Variants in IQCM observed in about 807,000 individuals in gnomAD.
The protein encoded by IQCM is IQ motif containing M, also known as IQ domain-containing protein M.
A neutral mutation model predicts 57.6 loss-of-function variants in IQCM; 45 were observed. That is an observed-to-expected ratio of 0.78 (90% CI 0.62 to 1.00). IQCM has a LOEUF of 1.00. Among genes scored for constraint, IQCM ranks in the 50% least tolerant of loss-of-function variants. The pLI, the probability that IQCM is intolerant of heterozygous loss-of-function variation, is 0.00. For synonymous variants in IQCM, 148 were observed against 158.9 expected (o/e 0.93, Z 0.51); for missense variants, 468 against 511.6 (o/e 0.91, Z 0.82).
At chr4:149,729,707 A>G (rs1561208197) in intron 5 of IQCM, among the ~76,000 whole-genome samples, 1 of 151,634 alleles carries the variant, frequency 6.6e-6, no homozygotes, top group Non-Finnish European at 1.5e-5. Context: ...TTTTTTTAAT[A>G]TATGGTTCTA....
intron 3 of IQCM, among the ~76,000 whole-genome samples, chr4:149,740,495 C>A (rs1008547423): frequency 3.9e-5 from 6 of 152,104 alleles, no homozygotes; most frequent in African/African-American, 7.2e-5. Context: ...CCAACACCCC[C>A]TACCGCTAGC....
At chr4:149,607,346 G>A (rs1754880736) in intron 8 of IQCM, among the ~76,000 whole-genome samples, 1 of 152,032 alleles carries the variant, frequency 6.6e-6, no homozygotes, top group Admixed American at 6.6e-5. Flanking sequence ...AACAAAAGGT[G>A]AGAGATTTCA....
chr4:149,670,918 G>C (rs1442282355), intron 7 of IQCM, among the ~76,000 whole-genome samples: 2 of 150,936 alleles, frequency 1.3e-5, no homozygotes, highest in Non-Finnish European at 2.9e-5. Flanking sequence ...TGTTCATCAG[G>C]GATATTGGTC....
intron 7 of IQCM, among the ~76,000 whole-genome samples, chr4:149,664,052 A>G (rs1760467518): frequency 6.6e-6 from 1 of 152,076 alleles, no homozygotes; most frequent in African/African-American, 2.4e-5. Flanking sequence ...GCAAGTTTAT[A>G]AATTTTTCTG....
chr4:149,707,809 A>G (rs1006995813), intron 5 of IQCM, among the ~76,000 whole-genome samples: 11 of 152,152 alleles, frequency 7.2e-5, no homozygotes, highest in African/African-American at 2.6e-4. Context: ...GCTTGTAAAT[A>G]TGGGGAAATT....
chr4:149,443,562 C>A (rs918905319), intron 12 of IQCM, among the ~76,000 whole-genome samples: 1 of 151,704 alleles, frequency 6.6e-6, no homozygotes, highest in Non-Finnish European at 1.5e-5. Flanking sequence ...GCACCTACAA[C>A]CTCTTCTTGG....
At chr4:149,387,104 A>G (rs1300034094) in intron 13 of IQCM, among the ~76,000 whole-genome samples, 1 of 152,000 alleles carries the variant, frequency 6.6e-6, no homozygotes, top group African/African-American at 2.4e-5. Flanking sequence ...ACAGAAATCT[A>G]TTTCTCACAG....
rs554545053 is a variant in IQCM at position 149,485,011 on chromosome 4, T to C, written c.1229-51454A>G. ...TTGTTTCTGTTTTTCTTTCTAACTT[T>C]AGCACTTTAAATATGTCATGCCACT... On this transcript the variant is annotated intron_variant, in intron 12 of 13. Coordinates refer to ENST00000636793, the MANE Select transcript of IQCM (RefSeq NM_001363507.2). Among the ~76,000 whole-genome samples the C allele has an allele frequency of 3.9e-5, 6 of 152,162 alleles. No individual in the cohort carries two copies. In the South Asian group the frequency reaches 6.2e-4, roughly 16 times the overall value.
rs560019999 is a variant in IQCM at position 149,683,991 on chromosome 4, T to C, written c.477-1785A>G. 5.3e-4 allele frequency among the ~76,000 whole-genome samples: 80 copies of C among 151,460 alleles called. 1 individual carries two copies. In the South Asian group the frequency reaches 0.015, roughly 28 times the overall value. On this transcript the variant is annotated intron_variant, in intron 6 of 13. Coordinates refer to ENST00000636793, the MANE Select transcript of IQCM (RefSeq NM_001363507.2). ...ACTGGGCAAAGAAATCCAGGCTCAC[T>C]TGCCTAAATTACAGAATGCATTTAC...
chr4:149,505,193 A>T (rs1296798864), intron 12 of IQCM, among the ~76,000 whole-genome samples: 2 of 152,318 alleles, frequency 1.3e-5, no homozygotes, highest in East Asian at 3.9e-4. Flanking sequence ...GACAGCGGGC[A>T]TAACATTGAC....
intron 7 of IQCM, among the ~76,000 whole-genome samples, chr4:149,663,608 A>G (rs1760424760): frequency 6.6e-6 from 1 of 150,848 alleles, no homozygotes. Flanking sequence ...TAGGTATAGT[A>G]TTCTTTACTG....
At chr4:149,649,574 T>C (rs1376451759) in intron 7 of IQCM, among the ~76,000 whole-genome samples, 1 of 152,214 alleles carries the variant, frequency 6.6e-6, no homozygotes, top group African/African-American at 2.4e-5. Context: ...AAAAGGATGA[T>C]TTATTCAAAT....
At chr4:149,542,231 A>T (rs1355365504) in intron 12 of IQCM, among the ~76,000 whole-genome samples, 1 of 152,102 alleles carries the variant, frequency 6.6e-6, no homozygotes. Context: ...CTTATGCATT[A>T]TAATAAAAAT....
chr4:149,377,957 G>A (rs1052229241), intron 13 of IQCM, among the ~76,000 whole-genome samples: 3 of 152,070 alleles, frequency 2.0e-5, no homozygotes, highest in Admixed American at 6.6e-5. Flanking sequence ...TAATTCCCTC[G>A]TGTTGTGGGA....
chr4:149,600,839 T>C (rs1342760617), intron 8 of IQCM, among the ~76,000 whole-genome samples: 1 of 152,212 alleles, frequency 6.6e-6, no homozygotes, highest in Non-Finnish European at 1.5e-5. Context: ...GATTAATCCA[T>C]CTGGGTGAAA....
chr4:149,670,639 G>C (rs1761176064), intron 7 of IQCM, among the ~76,000 whole-genome samples: 1 of 152,120 alleles, frequency 6.6e-6, no homozygotes, highest in African/African-American at 2.4e-5. Context: ...TTATCATTTT[G>C]AGATATGTCC....
chr4:149,414,236 T>C (rs1478647666), intron 13 of IQCM, among the ~76,000 whole-genome samples: 1 of 152,182 alleles, frequency 6.6e-6, no homozygotes, highest in Non-Finnish European at 1.5e-5. Context: ...TTCATCCAAT[T>C]GCTTAAGGAC....
At chr4:149,411,544 A>G (rs1025778547) in intron 13 of IQCM, among the ~76,000 whole-genome samples, 2 of 152,132 alleles carry the variant, frequency 1.3e-5, no homozygotes, top group African/African-American at 4.8e-5. Flanking sequence ...TTTCAACTAT[A>G]TAGAAAAATA....
rs181010333 is a variant in IQCM at position 149,368,755 on chromosome 4, T to A, written c.1391-16689A>T. On this transcript the variant is annotated intron_variant, in intron 13 of 13. Coordinates refer to ENST00000636793, the MANE Select transcript of IQCM (RefSeq NM_001363507.2). ...GAAAGGCACAAATTATATATATACA[T>A]GTATATATATATATACATATATATA... is the stretch of plus-strand genomic sequence containing the variant. Among the ~76,000 whole-genome samples the A allele has an allele frequency of 5.1e-3, 510 of 99,312 alleles. 15 individuals are homozygous for A. Among genetic ancestry groups the A allele is most frequent in the African/African-American group, 0.017 (491 of 28,738 alleles). 65.2% of individuals were successfully genotyped at this position (99,312 alleles called of 152,430 possible).
Sources: allele counts gnomAD v4.1 joint callset (sites outside exome capture counted in the v4.1 genomes callset), GRCh38; gene constraint gnomAD v4.1.1; transcripts MANE v1.5; gene names NCBI Gene and HGNC (gene_info 2026-07-23, HGNC 2026-07-21).